The following CST3 variants were observed in gnomAD, a reference collection of about 807,000 sequenced individuals.
CST3 encodes cystatin-C.
A neutral mutation model predicts 9.0 loss-of-function variants in CST3; 14 were observed. That is an observed-to-expected ratio of 1.56 (90% CI 1.03 to 2.44). The LOEUF is 2.44. CST3 is among the 30% of genes most tolerant of loss of function. The pLI, the probability that CST3 is intolerant of heterozygous loss-of-function variation, is 0.00. For missense variants in CST3, 237 were observed against 204.3 expected, an observed-to-expected ratio of 1.16 and a Z score of -0.98; for synonymous variants, 96 against 90.2, an observed-to-expected ratio of 1.06 and a Z score of -0.37.
downstream of CST3, chr20:23,628,727 TTCTC>T (rs1427407003): frequency 2.0e-5 from 3 of 152,124 alleles, no homozygotes; most frequent in Admixed American, 1.3e-4. Context: ...TGCTCTCTGT[TTCTC>T]TCTCTCTTTT....
chr20:23,634,212 G>T (rs1449416398), intron 2 of CST3, among the ~76,000 whole-genome samples: 1 of 152,066 alleles, frequency 6.6e-6, no homozygotes, highest in Non-Finnish European at 1.5e-5. Flanking sequence ...TCTACCTGGT[G>T]GCACTGGGCC....
chr20:23,627,675 C>T (rs1276172248), exon 4 of CST3: 1 of 152,148 alleles, frequency 6.6e-6, no homozygotes, highest in Admixed American at 6.5e-5. Context: ...TATAAAGATT[C>T]CAATTTGTTA....
Position 23,637,940 on chromosome 20 carries a change from ACCGAGGCGAGG to A in CST3, c.-89_-79del. The stretch of plus-strand genomic sequence containing the variant: ...CTAGATAGAGAGGACCCGCTGCGAT[ACCGAGGCGAGG>A]CCGTGAGCCCCGCGAGGCCGGCGAC... On this transcript the variant is annotated 5_prime_UTR_variant, in exon 1 of 3. Transcript: ENST00000376925. 8.6e-7 allele frequency: 1 copy of A among 1,166,348 alleles called. No homozygotes were observed. The highest frequency in any genetic ancestry group is 1.1e-6 in the Non-Finnish European group (1 of 935,736). The allele number at this position is 1,166,348 out of a possible 1,614,324, so 72.2% of individuals were successfully genotyped here. A position where few individuals can be genotyped will look rare whatever the true frequency, so the allele number is the denominator to read the frequency against.
exon 4 of CST3, chr20:23,627,085 C>T (rs903240486): frequency 4.6e-5 from 7 of 152,052 alleles, no homozygotes; most frequent in African/African-American, 1.2e-4. Context: ...TCAGTGGTTC[C>T]GAGTATATTC....
At chr20:23,631,187 A>T (rs1172823578), downstream of CST3, among the ~76,000 whole-genome samples, 2 of 152,164 alleles carry the variant, frequency 1.3e-5, no homozygotes, top group Admixed American at 1.3e-4. Flanking sequence ...TGGAGTAATT[A>T]AAAAAATGGA....
intron 2 of CST3, among the ~76,000 whole-genome samples, chr20:23,634,853 C>A (rs1303582424): frequency 6.6e-6 from 1 of 152,046 alleles, no homozygotes; most frequent in Non-Finnish European, 1.5e-5. Context: ...ATGCATGAAT[C>A]CACATACTCC....
Position 23,628,018 on chromosome 20 carries a change from T to C in CST3, c.*1450A>G, listed in dbSNP as rs193139904. 94 of 152,346 alleles carry C rather than the reference T, an allele frequency of 6.2e-4. 1 individual carries two copies. The highest frequency in any genetic ancestry group is 2.2e-3 in the African/African-American group (92 of 41,588). The allele number at this position is 152,346 out of a possible 1,614,324, so 9.4% of individuals were successfully genotyped here. A position where few individuals can be genotyped will look rare whatever the true frequency, so the allele number is the denominator to read the frequency against. Reference sequence around the variant, plus strand: ...CTGAATACAAGTTCTATATCAGATATATAATTTGCAAAATTTTTTTCCTAT... The same window carrying C: ...CTGAATACAAGTTCTATATCAGATACATAATTTGCAAAATTTTTTTCCTAT... On this transcript the variant is annotated 3_prime_UTR_variant, in exon 4 of 4. Transcript: ENST00000398411.
At chr20:23,636,213 GC>G (rs1468152492) in intron 1 of CST3, among the ~76,000 whole-genome samples, 10 of 152,316 alleles carry the variant, frequency 6.6e-5, no homozygotes, top group Admixed American at 4.6e-4. Context: ...CAGGGAGAGG[GC>G]CCCAGCTGAC....
rs1048269695 is a variant in CST3, at chr20:23,637,767, C to T, written c.96G>A (p.Pro32=). The T allele has an allele frequency of 6.5e-7, 1 of 1,529,096 alleles. No homozygotes were observed. Among genetic ancestry groups the T allele is most frequent in the Non-Finnish European group, 8.8e-7 (1 of 1,139,230 alleles). The allele number at this position is 1,529,096 out of a possible 1,614,324, so 94.7% of individuals were successfully genotyped here. A position where few individuals can be genotyped will look rare whatever the true frequency, so the allele number is the denominator to read the frequency against. ...SPAAGSSPGK[P]PRLVGGPMDA... is the part of the protein sequence containing the mutation. ...CCATGGGGCCTCCCACTAGGCGCGG[C>T]GGCTTGCCGGGACTGGAGCCGGCCG... Residue 32 remains proline, a synonymous_variant, in exon 1 of 3, where the codon CCG becomes CCA. Coordinates refer to ENST00000376925, the MANE Select transcript of CST3 (RefSeq NM_000099.4).
At chr20:23,627,987 T>A (rs1979313487) in exon 4 of CST3, 1 of 152,238 alleles carries the variant, frequency 6.6e-6, no homozygotes, top group Non-Finnish European at 1.5e-5. Flanking sequence ...GAGTTCATTA[T>A]ATGTTCTGAA....
At chr20:23,631,998 C>G (rs1178779248), downstream of CST3, 1 of 152,268 alleles carries the variant, frequency 6.6e-6, no homozygotes, top group African/African-American at 2.4e-5. Flanking sequence ...GTCACAGTGA[C>G]CTCTGGGTCA....
intron 2 of CST3, 142 bp from the exon 3 acceptor site, chr20:23,634,141 T>C: frequency 1.4e-6 from 1 of 732,284 alleles, no homozygotes; most frequent in South Asian, 1.5e-5. Flanking sequence ...CCACCCCCGC[T>C]GATCCCAGAG....
rs1171969631 is a variant in CST3 at position 23,637,564 on chromosome 20, G to A, written c.243+56C>T. The A allele has an allele frequency of 5.7e-6, 8 of 1,414,806 alleles. No homozygotes were observed. The Middle Eastern group carries it at 7.7e-4, about 136-fold the overall frequency. The allele number at this position is 1,414,806 out of a possible 1,614,324, so 87.6% of individuals were successfully genotyped here. On this transcript the variant is annotated intron_variant, in intron 1 of 2. Coordinates refer to ENST00000376925, the MANE Select transcript of CST3 (RefSeq NM_000099.4). The stretch of plus-strand genomic sequence containing the variant: ...AGCACGGGGTCCGGGAGCAGCGCGG[G>A]GGGAGGCTGGGACGGCGGGGCCGGG...
downstream of CST3, among the ~76,000 whole-genome samples, chr20:23,629,735 G>A (rs77488724): frequency 0.27 from 28,636 of 105,132 alleles, 2,887 homozygotes; most frequent in African/African-American, 0.39. Context: ...AGTGACTGGT[G>A]GGGGGGGGAG....
rs1005030211 is a variant in CST3 at position 23,633,827 on chromosome 20, G to A, written c.*89C>T. The A allele has an allele frequency of 8.6e-7, 1 of 1,169,410 alleles. No homozygotes were observed. The allele number at this position is 1,169,410 out of a possible 1,614,324, so 72.4% of individuals were successfully genotyped here. Reference sequence around the variant, plus strand: ...AGGCACATGGGGAGACCTTCCCCAAGGCAGGGGCCACCAGTCCAGGGGTGG... The same window carrying A: ...AGGCACATGGGGAGACCTTCCCCAAAGCAGGGGCCACCAGTCCAGGGGTGG... On this transcript the variant is annotated 3_prime_UTR_variant, in exon 3 of 3. Transcript: ENST00000376925.
At chr20:23,630,173 C>T (rs993252481), downstream of CST3, among the ~76,000 whole-genome samples, 16 of 152,216 alleles carry the variant, frequency 1.1e-4, no homozygotes, top group African/African-American at 2.7e-4. Flanking sequence ...GTCCACGTCC[C>T]ATCCCAGAAC....
intron 2 of CST3, among the ~76,000 whole-genome samples, chr20:23,634,537 G>T (rs2122472321): frequency 6.6e-6 from 1 of 152,208 alleles, no homozygotes; most frequent in East Asian, 1.9e-4. Flanking sequence ...AGGTCTGAGG[G>T]TTTGGCTGCT....
chr20:23,636,078 G>A (rs1979662748), intron 1 of CST3, among the ~76,000 whole-genome samples: 1 of 152,132 alleles, frequency 6.6e-6, no homozygotes, highest in East Asian at 1.9e-4. Flanking sequence ...TCCCTCTGGT[G>A]TCAGTCTGCT....
downstream of CST3, among the ~76,000 whole-genome samples, chr20:23,630,616 T>C (rs1979416571): frequency 6.6e-6 from 1 of 152,250 alleles, no homozygotes; most frequent in East Asian, 1.9e-4. Context: ...GGCTGGCGAT[T>C]TGCTCTCTCT....
Sources: gnomAD v4.1 joint callset for allele counts (sites outside exome capture counted in the v4.1 genomes callset) on GRCh38, gnomAD v4.1.1 for gene constraint, MANE v1.5 for transcripts, NCBI Gene and HGNC (gene_info 2026-07-23, HGNC 2026-07-21) for gene names.